ZNF860: variants seen among roughly 807,000 people sequenced by gnomAD.
ZNF860 encodes the protein zinc finger protein 860.
For synonymous variants in ZNF860, 206 were observed against 248.9 expected (o/e 0.83, Z 1.62); for missense variants, 641 against 759.2 (o/e 0.84, Z 1.83).
At chr3:31,988,593 G>A (rs1323193009) in intron 1 of ZNF860, 67 bp from the exon 2 acceptor site, 1 of 168,636 alleles carries the variant, frequency 5.9e-6, no homozygotes, top group African/African-American at 2.4e-5. Flanking sequence ...ATAAACAGGG[G>A]AGTGTTCACT....
Position 31,989,561 on chromosome 3 carries a change from C to T in ZNF860, c.482C>T (p.Ser161Leu), listed in dbSNP as rs140232911. ...GATCAGCTTGGATTAAGCTTTCATT[C>T]GCATCTTCCTGAACTCCACATATTT... ...IKDQLGLSFH[S>L]HLPELHIFQT... Residue 161 changes from serine to leucine, a missense_variant, in exon 2 of 2, where the codon TCG becomes TTG. By Grantham distance (145) the Ser-to-Leu change is moderately radical (BLOSUM62 -2). Coordinates refer to ENST00000360311, the MANE Select transcript of ZNF860 (RefSeq NM_001137674.3). The T allele has an allele frequency of 1.3e-3, 2,026 of 1,614,170 alleles. 17 individuals carry two copies. The African/African-American group carries it at 0.022, about 17-fold the overall frequency.
intron 1 of ZNF860, among the ~76,000 whole-genome samples, chr3:31,984,296 T>C (rs1199054110): frequency 6.6e-6 from 1 of 151,842 alleles, no homozygotes; most frequent in Non-Finnish European, 1.5e-5. Flanking sequence ...CACCTCGGCC[T>C]CCCAAAGTGC....
chr3:31,987,950 A>T (rs1435582796), intron 1 of ZNF860, among the ~76,000 whole-genome samples: 2 of 152,248 alleles, frequency 1.3e-5, no homozygotes, highest in East Asian at 3.8e-4. Context: ...GAGCAAACAC[A>T]TATTGCCTTT....
chr3:31,984,437 C>T lies in ZNF860; in HGVS notation c.-421+2535C>T, dbSNP rs1463958165. Among the ~76,000 whole-genome samples the T allele has an allele frequency of 5.3e-5, 8 of 151,698 alleles. No individual in the cohort carries two copies. In the South Asian group the frequency reaches 8.4e-4, roughly 16 times the overall value. ...GGTGAGGGATGAAATTATAGAGAGTCGAAGTTTGTCTTCTTGCACTGAGTC... is the reference window on the plus strand; with the variant it reads ...GGTGAGGGATGAAATTATAGAGAGTTGAAGTTTGTCTTCTTGCACTGAGTC... On this transcript the variant is annotated intron_variant, in intron 1 of 1. Transcript: ENST00000360311.
chr3:32,003,322 A>C, the ZNF860 span, among the ~76,000 whole-genome samples: 3 of 152,220 alleles, frequency 2.0e-5, no homozygotes, highest in South Asian at 6.2e-4. Context: ...TACACATGAA[A>C]GGCAAGTAGC....
the ZNF860 span, among the ~76,000 whole-genome samples, chr3:31,997,914 A>C: frequency 6.6e-6 from 1 of 151,982 alleles, no homozygotes; most frequent in Non-Finnish European, 1.5e-5. Flanking sequence ...TAGCCTCCCG[A>C]GTAGCTGGGA....
At chr3:32,001,202 C>T in the ZNF860 span, among the ~76,000 whole-genome samples, 8 of 152,084 alleles carry the variant, frequency 5.3e-5, no homozygotes, top group East Asian at 3.9e-4. Context: ...AACCAAGCAG[C>T]GATGCCTAAG....
At chr3:31,996,987 T>C in the ZNF860 span, among the ~76,000 whole-genome samples, 3 of 152,150 alleles carry the variant, frequency 2.0e-5, no homozygotes, top group African/African-American at 7.2e-5. Context: ...GAAATTATCA[T>C]GGAGATTCAT....
At chr3:32,002,675 A>C in the ZNF860 span, among the ~76,000 whole-genome samples, 1 of 152,192 alleles carries the variant, frequency 6.6e-6, no homozygotes, top group African/African-American at 2.4e-5. Flanking sequence ...TTCAAACAGC[A>C]ATGTTTCTGA....
At chr3:32,003,865 G>A in the ZNF860 span, among the ~76,000 whole-genome samples, 1 of 152,164 alleles carries the variant, frequency 6.6e-6, no homozygotes, top group Non-Finnish European at 1.5e-5. Context: ...TGGATTTGGA[G>A]GGACAAAGTA....
At chr3:31,983,016 C>A (rs563782084) in intron 1 of ZNF860, among the ~76,000 whole-genome samples, 3 of 152,146 alleles carry the variant, frequency 2.0e-5, no homozygotes, top group African/African-American at 7.2e-5. Context: ...CAGCATGTCC[C>A]GGATAAGGAC....
chr3:32,005,784 T>A, the ZNF860 span, among the ~76,000 whole-genome samples: 2 of 152,048 alleles, frequency 1.3e-5, no homozygotes, highest in Non-Finnish European at 2.9e-5. Flanking sequence ...AGATGGGGTT[T>A]CACCGTGTTA....
At chr3:32,001,097 G>A in the ZNF860 span, among the ~76,000 whole-genome samples, 4 of 152,266 alleles carry the variant, frequency 2.6e-5, no homozygotes, top group South Asian at 4.1e-4. Flanking sequence ...ATCTAGGGGC[G>A]CTGTTGTCTG....
chr3:31,990,251 T>C lies in ZNF860; in HGVS notation c.1172T>C (p.Ile391Thr). 6.2e-7 allele frequency: 1 copy of C among 1,613,932 alleles called. No homozygotes were observed. The highest frequency in any genetic ancestry group is 8.5e-7 in the Non-Finnish European group (1 of 1,179,918). ...GQSTLIHHQAIHGIGKLYKCN... is the reference protein window; with the variant it reads ...GQSTLIHHQATHGIGKLYKCN... Reference sequence around the variant, plus strand: ...TCAACACTTATTCACCATCAAGCAATCCATGGTATAGGGAAACTTTATAAA... The same window carrying C: ...TCAACACTTATTCACCATCAAGCAACCCATGGTATAGGGAAACTTTATAAA... The change falls in exon 2 of 2, where the codon ATC (isoleucine) becomes ACC (threonine). Residue 391 changes from isoleucine to threonine, a missense_variant. Ile to Thr is a moderately conservative substitution (Grantham distance 89, BLOSUM62 -1). Coordinates refer to ENST00000360311, the MANE Select transcript of ZNF860 (RefSeq NM_001137674.3).
In ZNF860 at chr3:31,989,450, A is replaced by G. The variant is rs762465332; in HGVS notation, c.371A>G (p.His124Arg). Residue 124 changes from histidine to arginine, a missense_variant, in exon 2 of 2, where the codon CAT (histidine) becomes CGT (arginine). Physicochemically the swap from His to Arg is conservative, Grantham distance 29 (BLOSUM62 0). Transcript: ENST00000360311. ...TGGCAAGAAGACAAAAGAAATAGCCATGAAGCAACTATGACACAAATCAAA... is the reference window on the plus strand; with the variant it reads ...TGGCAAGAAGACAAAAGAAATAGCCGTGAAGCAACTATGACACAAATCAAA... ...FQWQEDKRNSHEATMTQIKKL... is the reference protein window; with the variant it reads ...FQWQEDKRNSREATMTQIKKL... 1.9e-6 allele frequency: 3 copies of G among 1,614,128 alleles called. No homozygotes were observed. The highest frequency in any genetic ancestry group is 2.5e-6 in the Non-Finnish European group (3 of 1,180,044).
At chr3:32,000,514 A>G in the ZNF860 span, among the ~76,000 whole-genome samples, 2 of 152,234 alleles carry the variant, frequency 1.3e-5, no homozygotes, top group African/African-American at 4.8e-5. Context: ...GCTGACTCCC[A>G]TATAAAGGAT....
At chr3:31,988,259 C>T (rs1698964583) in intron 1 of ZNF860, among the ~76,000 whole-genome samples, 1 of 152,172 alleles carries the variant, frequency 6.6e-6, no homozygotes, top group Admixed American at 6.5e-5. Flanking sequence ...ACTTACGGAG[C>T]TAAACTTACT....
downstream of ZNF860, among the ~76,000 whole-genome samples, chr3:31,994,041 C>T (rs908233413): frequency 6.6e-6 from 1 of 152,114 alleles, no homozygotes; most frequent in Non-Finnish European, 1.5e-5. Flanking sequence ...AATGAGTACT[C>T]AGCAATAAAT....
chr3:31,988,797 ATG>A lies in ZNF860; in HGVS notation c.-280_-279del, dbSNP rs1698979869. The A allele has an allele frequency of 8.3e-6, 4 of 481,474 alleles. No individual in the cohort carries two copies. In the East Asian group the frequency reaches 1.4e-4, roughly 17 times the overall value. The allele number at this position is 481,474 out of a possible 1,614,324, so 29.8% of individuals were successfully genotyped here. On this transcript the variant is annotated 5_prime_UTR_variant, in exon 2 of 2. It removes the in-frame stop codon of an upstream open reading frame in the 5' UTR. Coordinates refer to ENST00000360311, the MANE Select transcript of ZNF860 (RefSeq NM_001137674.3). ...GATTTTCTGAGACCTGCTAACAGCC[ATG>A]TGAGTGACCTTGGAAGTAGGTTGTC...
Sources: allele counts gnomAD v4.1 joint callset (sites outside exome capture counted in the v4.1 genomes callset), GRCh38; gene constraint gnomAD v4.1.1; transcripts MANE v1.5; gene names NCBI Gene and HGNC (gene_info 2026-07-23, HGNC 2026-07-21).